The following USH2A variants were observed in gnomAD, a reference collection of about 807,000 sequenced individuals.
USH2A encodes the protein usherin, also known as Usher syndrome 2A (autosomal recessive, mild).
A neutral mutation model predicts 538.9 loss-of-function variants in USH2A; 443 were observed. The observed-to-expected ratio is 0.82, with a 90% CI of 0.76 to 0.89. USH2A has a LOEUF of 0.89. USH2A is among the 40% of genes least tolerant of loss of function. USH2A has a pLI of 0.00. For synonymous variants in USH2A, 2,413 were observed against 2,273.5 expected (o/e 1.06, Z -1.75); for missense variants, 6,633 against 6,324.8 (o/e 1.05, Z -1.65).
intron 38 of USH2A, among the ~76,000 whole-genome samples, chr1:215,902,246 T>C (rs982858487): frequency 1.3e-5 from 2 of 152,154 alleles, no homozygotes; most frequent in Non-Finnish European, 2.9e-5. Context: ...TACATAACCT[T>C]GTGTAGTGTG....
intron 37 of USH2A, among the ~76,000 whole-genome samples, chr1:215,936,293 G>A (rs987454569): frequency 7.2e-5 from 11 of 152,040 alleles, no homozygotes; most frequent in Admixed American, 1.3e-4. Flanking sequence ...ATCTTGCATC[G>A]TATAGTATAC....
intron 10 of USH2A, 48 bp from the exon 11 acceptor site, chr1:216,289,458 C>T: frequency 1.2e-6 from 2 of 1,612,004 alleles, no homozygotes; most frequent in Middle Eastern, 3.3e-4. Flanking sequence ...TCATTAAAAT[C>T]AGCTGCATAA....
chr1:216,387,731 C>T (rs1288057317), intron 3 of USH2A, among the ~76,000 whole-genome samples: 1 of 152,170 alleles, frequency 6.6e-6, no homozygotes, highest in East Asian at 1.9e-4. Flanking sequence ...TATAGCAACA[C>T]TTCCAAAATG....
rs1558057587 is a variant in USH2A, at chr1:216,369,359, CCTT to C, written c.652-4277_652-4275del. On this transcript the variant is annotated intron_variant, in intron 3 of 71. Coordinates refer to ENST00000307340, the MANE Select transcript of USH2A (RefSeq NM_206933.4). Reference sequence around the variant, plus strand: ...ATTGCTTACCATCCTAAACCTAAGGCCTTCTGAGATTTTTCCTCACTCATCTCA... The same window carrying C: ...ATTGCTTACCATCCTAAACCTAAGGCCTGAGATTTTTCCTCACTCATCTCA... 3.9e-5 allele frequency among the ~76,000 whole-genome samples: 6 copies of C among 152,204 alleles called. No homozygotes were observed. The East Asian group carries it at 1.2e-3, about 29-fold the overall frequency.
chr1:216,394,521 A>T (rs11590357), intron 3 of USH2A, among the ~76,000 whole-genome samples: 1 of 152,160 alleles, frequency 6.6e-6, no homozygotes, highest in Non-Finnish European at 1.5e-5. Context: ...TTTGCTTTAT[A>T]TAAGTCATTT....
At chr1:215,990,769 T>C (rs1020749897) in intron 35 of USH2A, among the ~76,000 whole-genome samples, 4 of 147,160 alleles carry the variant, frequency 2.7e-5, no homozygotes, top group African/African-American at 1.0e-4. Flanking sequence ...CCTTTTTTTT[T>C]TTTTTTTTTT....
At chr1:216,124,126 G>A (rs9728510) in intron 21 of USH2A, among the ~76,000 whole-genome samples, 2 of 151,880 alleles carry the variant, frequency 1.3e-5, no homozygotes, top group African/African-American at 2.4e-5. Flanking sequence ...ACCTTTTGTC[G>A]CTTTAGCAGC....
intron 19 of USH2A, among the ~76,000 whole-genome samples, chr1:216,193,274 G>A (rs868075356): frequency 6.6e-6 from 1 of 151,980 alleles, no homozygotes; most frequent in East Asian, 1.9e-4. Flanking sequence ...ATACCAGATC[G>A]GTAGACTAAC....
chr1:216,238,903 T>C (rs1032044158), intron 13 of USH2A, among the ~76,000 whole-genome samples: 1 of 152,128 alleles, frequency 6.6e-6, no homozygotes, highest in Non-Finnish European at 1.5e-5. Flanking sequence ...CACACCAGCA[T>C]GCTGTCTGCC....
Position 215,779,914 on chromosome 1 carries a change from T to C in USH2A, c.10868A>G (p.Tyr3623Cys), listed in dbSNP as rs1052989299. The C allele has an allele frequency of 6.2e-7, 1 of 1,614,104 alleles. No homozygotes were observed. The highest frequency in any genetic ancestry group is 8.5e-7 in the Non-Finnish European group (1 of 1,180,030). ...PEKSNGVIKE[Y>C]QIRQVGKGLI... ...ACCTTTCCCAACCTGCCTGATCTGG[T>C]ACTCTTTAATGACGCCGTTTGATTT... The change falls in exon 55 of 72, where the codon TAC becomes TGC. Residue 3623 changes from tyrosine to cysteine, a missense_variant. Tyr to Cys is a radical substitution (Grantham distance 194). Coordinates refer to ENST00000307340, the MANE Select transcript of USH2A (RefSeq NM_206933.4).
intron 46 of USH2A, among the ~76,000 whole-genome samples, chr1:215,842,940 A>G (rs1310433009): frequency 6.6e-6 from 1 of 152,154 alleles, no homozygotes; most frequent in Non-Finnish European, 1.5e-5. Flanking sequence ...ACAAACCTAC[A>G]TGTCCTGAAC....
intron 69 of USH2A, among the ~76,000 whole-genome samples, chr1:215,638,283 C>T (rs544880257): frequency 6.6e-6 from 1 of 152,278 alleles, no homozygotes; most frequent in South Asian, 2.1e-4. Context: ...AGTTTGAGCT[C>T]TCTGGTCTTT....
chr1:216,123,946 C>T (rs1391866682), intron 21 of USH2A, among the ~76,000 whole-genome samples: 1 of 152,120 alleles, frequency 6.6e-6, no homozygotes, highest in East Asian at 1.9e-4. Flanking sequence ...CACTCATCTC[C>T]TCTGTTAATG....
At chr1:215,705,870 A>G (rs878988391) in intron 61 of USH2A, among the ~76,000 whole-genome samples, 1 of 152,214 alleles carries the variant, frequency 6.6e-6, no homozygotes, top group Admixed American at 6.5e-5. Flanking sequence ...CTTCTGAAAG[A>G]CACATCTGAC....
rs901678906 is a variant in USH2A, at chr1:216,185,847, T to C, written c.4396+4376A>G. On this transcript the variant is annotated intron_variant, in intron 20 of 71. Transcript: ENST00000307340. ...CATTTAGAAATACACATTCATCTAC[T>C]GAATAAGGAAGGAGGCAAAAAGAAT... 3.9e-4 allele frequency among the ~76,000 whole-genome samples: 60 copies of C among 151,942 alleles called. 1 individual carries two copies. The highest frequency in any genetic ancestry group is 8.8e-5 in the Non-Finnish European group (6 of 67,910).
Position 215,927,456 on chromosome 1 carries a change from A to T in USH2A, c.7300+7160T>A, listed in dbSNP as rs545672304. On this transcript the variant is annotated intron_variant, in intron 38 of 71. Transcript: ENST00000307340. ...CCCTATATAACAAGATTGTTGGATA[A>T]ATATATAGATAAATATATTTATGTG... 2.0e-4 allele frequency among the ~76,000 whole-genome samples: 31 copies of T among 152,244 alleles called. No homozygotes were observed. In the South Asian group the frequency reaches 6.2e-3, roughly 31 times the overall value.
intron 50 of USH2A, among the ~76,000 whole-genome samples, chr1:215,798,247 A>G (rs1049351659): frequency 1.3e-5 from 2 of 152,180 alleles, no homozygotes; most frequent in African/African-American, 4.8e-5. Flanking sequence ...TGGTGAAGAT[A>G]CTGTGAACAT....
chr1:215,814,726 G>A (rs1414566681), intron 48 of USH2A, among the ~76,000 whole-genome samples: 1 of 152,102 alleles, frequency 6.6e-6, no homozygotes, highest in Non-Finnish European at 1.5e-5. Context: ...TAAGTCTGCA[G>A]AACTGTGAGT....
chr1:215,778,833 T>C (rs1661538832), intron 55 of USH2A, among the ~76,000 whole-genome samples: 1 of 152,228 alleles, frequency 6.6e-6, no homozygotes. Flanking sequence ...CTAAATTACT[T>C]AACTTCTCAA....
Sources: gnomAD v4.1 joint callset for allele counts (sites outside exome capture counted in the v4.1 genomes callset) on GRCh38, gnomAD v4.1.1 for gene constraint, MANE v1.5 for transcripts, NCBI Gene and HGNC (gene_info 2026-07-23, HGNC 2026-07-21) for gene names.